USP26: variants seen among roughly 807,000 people sequenced by gnomAD.
USP26 encodes the protein ubiquitin specific peptidase 26, also known as ubiquitin carboxyl-terminal hydrolase 26.
For missense variants in USP26, 649 were observed against 642.3 expected (o/e 1.01, Z -0.11); for synonymous variants, 236 against 240.6 (o/e 0.98, Z 0.18).
At chrX:133,037,084 A>G (rs968054921) in intron 5 of USP26, among the ~76,000 whole-genome samples, 8 of 112,136 alleles carry the variant, frequency 7.1e-5, no homozygotes, top group Non-Finnish European at 1.5e-4. Flanking sequence ...GACTTTTGTC[A>G]GATGGATAGA....
intron 5 of USP26, among the ~76,000 whole-genome samples, chrX:133,037,245 C>T (rs770112581): frequency 1.9e-4 from 21 of 111,996 alleles, no homozygotes; most frequent in East Asian, 5.6e-4. Flanking sequence ...ATGAAGTCTT[C>T]GCCCATACCT....
intron 5 of USP26, among the ~76,000 whole-genome samples, chrX:133,061,519 G>A (rs187811752): frequency 4.4e-5 from 5 of 112,816 alleles, no homozygotes; most frequent in East Asian, 2.8e-4. Flanking sequence ...AAAGATGGCC[G>A]AATAGGAACA....
chrX:133,056,828 C>T (rs1246778797), intron 5 of USP26, among the ~76,000 whole-genome samples: 4 of 111,810 alleles, frequency 3.6e-5, no homozygotes, highest in African/African-American at 1.3e-4. Flanking sequence ...CATATTAATT[C>T]AACAGAGCTT....
chrX:133,057,377 C>A (rs945875030), intron 5 of USP26, among the ~76,000 whole-genome samples: 6 of 111,801 alleles, frequency 5.4e-5, no homozygotes, highest in Non-Finnish European at 9.4e-5. Flanking sequence ...GTTAGCCTTG[C>A]TAGAAGTTTG....
At chrX:133,064,149 T>C (rs932561584) in intron 5 of USP26, among the ~76,000 whole-genome samples, 3 of 112,002 alleles carry the variant, frequency 2.7e-5, no homozygotes, top group African/African-American at 9.7e-5. Flanking sequence ...TACATAATGG[T>C]AAAGGGATTG....
chrX:133,061,051 A>C (rs1184688514), intron 5 of USP26, among the ~76,000 whole-genome samples: 1 of 111,778 alleles, frequency 8.9e-6, no homozygotes, highest in African/African-American at 3.2e-5. Flanking sequence ...GGATTTTGGT[A>C]TCTGTGGGGA....
chrX:133,047,948 C>G (rs892399159), intron 5 of USP26, among the ~76,000 whole-genome samples: 1 of 111,880 alleles, frequency 8.9e-6, no homozygotes, highest in Non-Finnish European at 1.9e-5. Flanking sequence ...ACCAAACAGA[C>G]CAAGACAAAA....
chrX:133,025,399 T>G lies in USP26; in HGVS notation c.*80A>C. 2 of 1,195,580 alleles carry G rather than the reference T, an allele frequency of 1.7e-6. No homozygotes were observed. Among genetic ancestry groups the G allele is most frequent in the Non-Finnish European group, 2.3e-6 (2 of 887,382 alleles). On this transcript the variant is annotated 3_prime_UTR_variant, in exon 6 of 6. Transcript: ENST00000511190. ...ATTGCATTTTCATCTCTGGATAAAG[T>G]TCACAGTTTTCCTTCCATGGAGGAA...
chrX:133,054,141 C>A (rs892194876), intron 5 of USP26, among the ~76,000 whole-genome samples: 1 of 111,594 alleles, frequency 9.0e-6, no homozygotes, highest in Non-Finnish European at 1.9e-5. Flanking sequence ...AGAATATGTT[C>A]TAGGGGTTAT....
At chrX:133,042,069 C>T (rs1424166756) in intron 5 of USP26, among the ~76,000 whole-genome samples, 4 of 111,825 alleles carry the variant, frequency 3.6e-5, no homozygotes, top group African/African-American at 9.8e-5. Context: ...ACATCAAGCC[C>T]GATCACCCCA....
chrX:133,045,653 A>G (rs1412411364), intron 5 of USP26, among the ~76,000 whole-genome samples: 1 of 110,998 alleles, frequency 9.0e-6, no homozygotes, highest in African/African-American at 3.3e-5. Flanking sequence ...TGTAACACTC[A>G]CCGTGAAGGT....
At position 133,061,797 on chromosome X, in the gene USP26, C is replaced by A. The variant is rs745884121; in HGVS notation, c.-77+21910G>T. Among the ~76,000 whole-genome samples the A allele has an allele frequency of 3.6e-4, 40 of 111,871 alleles. 1 individual carries two copies. The highest frequency in any genetic ancestry group is 3.8e-4 in the South Asian group (1 of 2,617). On this transcript the variant is annotated intron_variant, in intron 5 of 5. Coordinates refer to ENST00000511190, the MANE Select transcript of USP26 (RefSeq NM_031907.3). The stretch of plus-strand genomic sequence containing the variant: ...CCCAGGGTTTCTGCAATCCAGAGAT[C>A]AGGAGATTCCCTCTGTGCTTATACC...
At chrX:133,056,361 C>T (rs767497095) in intron 5 of USP26, among the ~76,000 whole-genome samples, 10 of 111,200 alleles carry the variant, frequency 9.0e-5, no homozygotes, top group African/African-American at 3.3e-4. Flanking sequence ...TTTCCTTCTT[C>T]CTATCTGTGG....
At chrX:133,033,007 A>G (rs1193816282) in intron 5 of USP26, among the ~76,000 whole-genome samples, 1 of 111,260 alleles carries the variant, frequency 9.0e-6, no homozygotes. Flanking sequence ...ACTAATGGAA[A>G]TGGAAGTGGA....
chrX:133,081,527 C>T (rs933517532), intron 5 of USP26, among the ~76,000 whole-genome samples: 3 of 110,423 alleles, frequency 2.7e-5, no homozygotes, highest in African/African-American at 9.9e-5. Flanking sequence ...AACTCTTGAC[C>T]TCAGGTGATC....
chrX:133,052,668 C>T (rs924096113), intron 5 of USP26, among the ~76,000 whole-genome samples: 1 of 112,068 alleles, frequency 8.9e-6, no homozygotes, highest in Admixed American at 9.5e-5. Context: ...AGCAGTGGGA[C>T]TGCCATGTGC....
chrX:133,053,537 TA>T (rs1403278998), intron 5 of USP26, among the ~76,000 whole-genome samples: 326 of 90,678 alleles, frequency 3.6e-3, no homozygotes, highest in Non-Finnish European at 3.4e-3. Flanking sequence ...GACTCTTTTT[TA>T]AAAAAAAAAA....
rs760506913 is a variant in USP26, at chrX:133,027,560, G to A, written c.661C>T (p.Gln221Ter). 1 of 1,206,550 alleles carries A rather than the reference G, an allele frequency of 8.3e-7. No individual in the cohort carries two copies. The highest frequency in any genetic ancestry group is 1.8e-5 in the South Asian group (1 of 56,601). The change falls in exon 6 of 6, where the codon CAA becomes TAA. Residue 221 changes from glutamine (Q) to a stop codon, truncating the protein, a stop_gained. Transcript: ENST00000511190. LOFTEE classifies it low-confidence loss of function (END_TRUNC). ...SRCVSYNREK[Q>*]LKLKELEENK... Reference sequence around the variant, plus strand: ...TCTTCTAACTCTTTTAACTTCAATTGTTTCTCTCGATTATAGCTTACACAC... The same window carrying A: ...TCTTCTAACTCTTTTAACTTCAATTATTTCTCTCGATTATAGCTTACACAC...
chrX:133,096,034 G>A (rs955038489), intron 1 of USP26, among the ~76,000 whole-genome samples: 3 of 102,666 alleles, frequency 2.9e-5, no homozygotes, highest in South Asian at 9.1e-4. Context: ...CATGAGCCAC[G>A]GCGCCCGGCC....
Sources: allele counts gnomAD v4.1 joint callset (sites outside exome capture counted in the v4.1 genomes callset), GRCh38; gene constraint gnomAD v4.1.1; transcripts MANE v1.5; gene names NCBI Gene and HGNC (gene_info 2026-07-23, HGNC 2026-07-21).